The following LSM6 variants were observed in gnomAD, a reference collection of about 807,000 sequenced individuals.
The protein encoded by LSM6 is LSM6 homolog, U6 small nuclear RNA and mRNA degradation associated.
A neutral mutation model predicts 13.5 loss-of-function variants in LSM6; 2 were observed. The observed-to-expected ratio is 0.15, with a 90% CI of 0.06 to 0.47. The LOEUF (loss-of-function observed/expected upper bound fraction) is 0.47. Ranked by LOEUF, LSM6 falls within the 20% of genes least tolerant of loss-of-function variation. LSM6 has a pLI of 0.97. For missense variants in LSM6, 58 were observed against 96.4 expected, an observed-to-expected ratio of 0.60 and a Z score of 1.67; for synonymous variants, 43 against 34.9, an observed-to-expected ratio of 1.23 and a Z score of -0.82.
At chr4:146,177,981 T>G (rs555983507) in intron 1 of LSM6, among the ~76,000 whole-genome samples, 1 of 152,230 alleles carries the variant, frequency 6.6e-6, no homozygotes, top group Non-Finnish European at 1.5e-5. Context: ...AAATCTGCAT[T>G]TTAACAAGCA....
At chr4:146,180,043 G>A (rs1375418302) in intron 1 of LSM6, among the ~76,000 whole-genome samples, 1 of 152,198 alleles carries the variant, frequency 6.6e-6, no homozygotes, top group Non-Finnish European at 1.5e-5. Context: ...TAGATTTTAC[G>A]TTCTACCCAG....
At chr4:146,178,328 TGA>T (rs1194614288) in intron 1 of LSM6, among the ~76,000 whole-genome samples, 2 of 152,164 alleles carry the variant, frequency 1.3e-5, no homozygotes, top group Admixed American at 6.5e-5. Flanking sequence ...GGGCCATGAC[TGA>T]GAGTGGAAAG....
intron 1 of LSM6, 79 bp from the exon 2 acceptor site, chr4:146,182,833 G>A: frequency 1.2e-6 from 1 of 829,316 alleles, no homozygotes; most frequent in East Asian, 2.5e-5. Flanking sequence ...CTGTAAGTAT[G>A]TTAAGGGCTT....
chr4:146,185,262 T>C (rs750731296), intron 2 of LSM6, among the ~76,000 whole-genome samples: 2 of 152,208 alleles, frequency 1.3e-5, no homozygotes, highest in Non-Finnish European at 2.9e-5. Context: ...GTATTAGCTT[T>C]TTTTCATCTT....
At chr4:146,185,729 T>C (rs560019355) in intron 2 of LSM6, among the ~76,000 whole-genome samples, 116 of 132,592 alleles carry the variant, frequency 8.7e-4, no homozygotes, top group African/African-American at 3.9e-3. Flanking sequence ...AAGTGAACTC[T>C]TTTTTTTTTT....
In LSM6 at chr4:146,191,114, C is replaced by T. The variant is rs1411422829; in HGVS notation, c.*1458C>T. 1.3e-5 allele frequency: 2 copies of T among 152,180 alleles called. No homozygotes were observed. Among genetic ancestry groups the T allele is most frequent in the Admixed American group, 6.5e-5 (1 of 15,278 alleles). 9.4% of individuals were successfully genotyped at this position (152,180 alleles called of 1,614,324 possible). ...TATGCTATGCTTCAATAATTTATCACTTCTTGACAGGGGCTTGGAAAAGGT... is the reference window on the plus strand; with the variant it reads ...TATGCTATGCTTCAATAATTTATCATTTCTTGACAGGGGCTTGGAAAAGGT... On this transcript the variant is annotated 3_prime_UTR_variant, in exon 4 of 4. Coordinates refer to ENST00000296581, the MANE Select transcript of LSM6 (RefSeq NM_007080.3).
At chr4:146,183,462 ACT>A (rs1560712143) in intron 2 of LSM6, 2 of 147,124 alleles carry the variant, frequency 1.4e-5, no homozygotes, top group Non-Finnish European at 3.1e-5. Context: ...ACAGGGTGAG[ACT>A]CTGTCTCAAA....
At chr4:146,177,328 G>T (rs544598423) in intron 1 of LSM6, among the ~76,000 whole-genome samples, 10 of 152,272 alleles carry the variant, frequency 6.6e-5, no homozygotes, top group African/African-American at 2.4e-4. Flanking sequence ...CATCACCTGG[G>T]TTATTCTCTC....
At chr4:146,188,985 C>CTTT (rs574933137) in intron 3 of LSM6, among the ~76,000 whole-genome samples, 4 of 131,336 alleles carry the variant, frequency 3.0e-5, no homozygotes, top group African/African-American at 8.6e-5. Flanking sequence ...TGAAAAGCAT[C>CTTT]TTTTTTTTTT....
chr4:146,185,269 T>A (rs569835018), intron 2 of LSM6, among the ~76,000 whole-genome samples: 1 of 152,304 alleles, frequency 6.6e-6, no homozygotes, highest in African/African-American at 2.4e-5. Context: ...CTTTTTTTCA[T>A]CTTTTCCAAT....
intron 3 of LSM6, among the ~76,000 whole-genome samples, chr4:146,188,896 G>A (rs1366766001): frequency 6.6e-6 from 1 of 151,764 alleles, no homozygotes; most frequent in African/African-American, 2.4e-5. Context: ...TTTAGAGTTT[G>A]TATTGGGGAG....
chr4:146,186,034 G>T (rs1730341973), intron 2 of LSM6, among the ~76,000 whole-genome samples: 1 of 152,184 alleles, frequency 6.6e-6, no homozygotes, highest in Non-Finnish European at 1.5e-5. Context: ...ACTTTGCCCA[G>T]CCTGGACATT....
intron 2 of LSM6, among the ~76,000 whole-genome samples, chr4:146,184,894 T>G (rs558470650): frequency 9.7e-4 from 148 of 152,358 alleles, no homozygotes; most frequent in South Asian, 2.3e-3. Flanking sequence ...GACCTCTATA[T>G]TAGCATAATT....
chr4:146,182,599 G>T (rs1026166199), intron 1 of LSM6, among the ~76,000 whole-genome samples: 2 of 152,254 alleles, frequency 1.3e-5, no homozygotes, highest in African/African-American at 4.8e-5. Context: ...TACTGACTAT[G>T]TGTCAGGCAG....
At chr4:146,188,657 A>G (rs1012092946) in intron 3 of LSM6, among the ~76,000 whole-genome samples, 2 of 152,170 alleles carry the variant, frequency 1.3e-5, no homozygotes, top group African/African-American at 4.8e-5. Flanking sequence ...TAGTTTGGCC[A>G]AAGTGACCCA....
rs753577068 is a variant in LSM6, at chr4:146,191,092, G to A, written c.*1436G>A. 3 of 152,162 alleles carry A rather than the reference G, an allele frequency of 2.0e-5. No homozygotes were observed. The highest frequency in any genetic ancestry group is 2.9e-5 in the Non-Finnish European group (2 of 68,028). 9.4% of individuals were successfully genotyped at this position (152,162 alleles called of 1,614,324 possible). A position where few individuals can be genotyped will look rare whatever the true frequency, so the allele number is the denominator to read the frequency against. ...GCACACTGAAAATAAAACACTTTAT[G>A]CTATGCTTCAATAATTTATCACTTC... On this transcript the variant is annotated 3_prime_UTR_variant, in exon 4 of 4. Transcript: ENST00000296581.
chr4:146,181,200 G>A (rs1338092328), intron 1 of LSM6: 1 of 152,214 alleles, frequency 6.6e-6, no homozygotes, highest in Non-Finnish European at 1.5e-5. Context: ...CTTGGGGGCA[G>A]TGTAGATTGT....
At chr4:146,185,581 G>A (rs374107634) in intron 2 of LSM6, among the ~76,000 whole-genome samples, 1 of 150,270 alleles carries the variant, frequency 6.7e-6, no homozygotes, top group South Asian at 2.1e-4. Flanking sequence ...TCTTGTTTTT[G>A]GTTTTGTATA....
At chr4:146,184,563 G>A (rs1442275727) in intron 2 of LSM6, among the ~76,000 whole-genome samples, 1 of 152,044 alleles carries the variant, frequency 6.6e-6, no homozygotes, top group African/African-American at 2.4e-5. Flanking sequence ...TAATGTCTCC[G>A]TGTACTGCCT....
Sources: gnomAD v4.1 joint callset for allele counts (sites outside exome capture counted in the v4.1 genomes callset) on GRCh38, gnomAD v4.1.1 for gene constraint, MANE v1.5 for transcripts, NCBI Gene and HGNC (gene_info 2026-07-23, HGNC 2026-07-21) for gene names.